Variants in NBPF9 observed in about 807,000 individuals in gnomAD.
NBPF9 encodes NBPF member 9.
In NBPF9, 91 loss-of-function variants were observed where a neutral mutation model predicts 97.8. That is an observed-to-expected ratio of 0.93 (90% CI 0.79 to 1.11). The LOEUF (loss-of-function observed/expected upper bound fraction) is 1.11. Among genes scored for constraint, NBPF9 ranks in the 50% least tolerant of loss-of-function variants. The pLI, the probability that NBPF9 is intolerant of heterozygous loss-of-function variation, is 0.00. For missense variants in NBPF9, 992 were observed against 939.5 expected (o/e 1.06, Z -0.73); for synonymous variants, 334 against 359.5 (o/e 0.93, Z 0.80).
chr1:149,070,912 A>T (rs782140725), intron 16 of NBPF9, 22 bp downstream of exon 16: 1 of 1,611,658 alleles, frequency 6.2e-7, no homozygotes, highest in Non-Finnish European at 8.5e-7. Context: ...GAGGTATGAG[A>T]CACAAGGAAA....
At chr1:149,097,918 T>G (rs1478481679) in intron 4 of NBPF9, among the ~76,000 whole-genome samples, 1 of 151,806 alleles carries the variant, frequency 6.6e-6, no homozygotes, top group Non-Finnish European at 1.5e-5. Flanking sequence ...TTTTAACCCA[T>G]TATACTGGCA....
Position 149,078,732 on chromosome 1 carries a change from C to A in NBPF9, c.493+275G>T, listed in dbSNP as rs1455608529. ...CACTCCAACAAGCGCCCTCCCATCA[C>A]AGCCTCCTTCCTGTCCTTTAAAACT... On this transcript the variant is annotated intron_variant, in intron 9 of 29. Coordinates refer to ENST00000584027, the Ensembl canonical transcript of NBPF9. Among the ~76,000 whole-genome samples, 8 of 138,588 alleles carry A rather than the reference C, an allele frequency of 5.8e-5. No individual in the cohort carries two copies. In the East Asian group the frequency reaches 1.9e-3, roughly 32 times the overall value. The allele number at this position is 138,588 out of a possible 152,430, so 90.9% of individuals were successfully genotyped here.
intron 4 of NBPF9, among the ~76,000 whole-genome samples, chr1:149,095,689 A>G (rs2081711348): frequency 6.6e-6 from 1 of 151,810 alleles, no homozygotes; most frequent in African/African-American, 2.4e-5. Context: ...GATGGCAAAT[A>G]AGCATATGAG....
exon 7 of NBPF9, chr1:149,082,120 G>C (rs782788501): frequency 1.2e-6 from 2 of 1,611,956 alleles, no homozygotes; most frequent in South Asian, 1.1e-5. Flanking sequence ...GCTGGACCAA[G>C]GGCCGGCTGA....
At chr1:149,071,017 G>T (rs782741989) in exon 16 of NBPF9, 5 of 1,612,002 alleles carry the variant, frequency 3.1e-6, no homozygotes, top group Non-Finnish European at 4.2e-6. Flanking sequence ...TTCCTCAAAT[G>T]TGATTTTGGT....
intron 11 of NBPF9, among the ~76,000 whole-genome samples, chr1:149,076,204 G>T (rs587662839): frequency 1.7e-4 from 25 of 151,276 alleles, no homozygotes; most frequent in African/African-American, 5.1e-4. Flanking sequence ...TTCTTTTTTG[G>T]TTTTTTTGTT....
intron 20 of NBPF9, 117 bp downstream of exon 20, chr1:149,063,516 T>C (rs2078780938): frequency 5.7e-6 from 4 of 701,584 alleles, no homozygotes; most frequent in Admixed American, 2.1e-5. Flanking sequence ...CATGTGCCTA[T>C]AGGTCCTCCC....
exon 30 of NBPF9, chr1:149,055,621 G>A (rs782758497): frequency 1.4e-5 from 23 of 1,611,444 alleles, no homozygotes; most frequent in East Asian, 4.5e-5. Context: ...GGTCCTGCCT[G>A]CAGGAATGAC....
exon 25 of NBPF9, chr1:149,059,806 T>A: frequency 3.8e-6 from 2 of 528,196 alleles, no homozygotes; most frequent in South Asian, 2.0e-5. Context: ...TTCTTTTCAA[T>A]TTCTGCAATA....
intron 13 of NBPF9, among the ~76,000 whole-genome samples, chr1:149,073,364 G>A (rs1222626472): frequency 7.1e-6 from 1 of 140,722 alleles, no homozygotes; most frequent in Non-Finnish European, 1.5e-5. Flanking sequence ...AAGAATGACA[G>A]GGTCGAGAAG....
At chr1:149,079,255 G>A (rs1193699474) in intron 8 of NBPF9, 34 bp from the exon 9 acceptor site, 21 of 998,654 alleles carry the variant, frequency 2.1e-5, no homozygotes, top group Non-Finnish European at 8.0e-6. Context: ...TTTAAGAGTA[G>A]AAAGGGTTGA....
intron 5 of NBPF9, among the ~76,000 whole-genome samples, chr1:149,088,321 ATTG>A (rs1476460237): frequency 6.6e-6 from 1 of 151,948 alleles, no homozygotes; most frequent in Admixed American, 6.5e-5. Context: ...GATTTCTAGC[ATTG>A]TTAACAAACA....
chr1:149,052,368 G>T (rs2077962460), downstream of NBPF9, among the ~76,000 whole-genome samples: 1 of 151,358 alleles, frequency 6.6e-6, no homozygotes, highest in African/African-American at 2.4e-5. Flanking sequence ...ATAGTTACTT[G>T]TACTTGTCAC....
chr1:149,076,572 G>A (rs1414983883), intron 11 of NBPF9, among the ~76,000 whole-genome samples: 2 of 149,040 alleles, frequency 1.3e-5, no homozygotes, highest in East Asian at 2.0e-4. Flanking sequence ...GCACAATCTC[G>A]GCTCACTGCA....
intron 4 of NBPF9, among the ~76,000 whole-genome samples, chr1:149,095,124 C>T (rs2081653895): frequency 1.3e-4 from 18 of 143,452 alleles, no homozygotes; most frequent in Non-Finnish European, 1.5e-5. Flanking sequence ...AAAACACACA[C>T]ATATAGATGC....
At chr1:149,077,587 C>G (rs78027638) in intron 10 of NBPF9, among the ~76,000 whole-genome samples, 168 bp from the exon 11 acceptor site, 4 of 152,194 alleles carry the variant, frequency 2.6e-5, no homozygotes, top group African/African-American at 9.6e-5. Flanking sequence ...CTGCAACAGA[C>G]CATGGCTGCC....
At chr1:149,079,431 C>T (rs1395202714) in intron 8 of NBPF9, among the ~76,000 whole-genome samples, 4 of 151,676 alleles carry the variant, frequency 2.6e-5, no homozygotes, top group Non-Finnish European at 4.4e-5. Context: ...GCAAGATCCT[C>T]GATGATGTTC....
intron 2 of NBPF9, among the ~76,000 whole-genome samples, chr1:149,101,844 C>T (rs2082162293): frequency 6.6e-6 from 1 of 151,592 alleles, no homozygotes; most frequent in African/African-American, 2.4e-5. Context: ...CAATGCCACT[C>T]CTACAAATAT....
chr1:149,081,452 T>C (rs1337155785), intron 7 of NBPF9, among the ~76,000 whole-genome samples: 4 of 149,922 alleles, frequency 2.7e-5, no homozygotes, highest in Non-Finnish European at 5.9e-5. Context: ...CACTTATAGG[T>C]AGCACAGGTT....
Sources: gnomAD v4.1 joint callset for allele counts (sites outside exome capture counted in the v4.1 genomes callset) on GRCh38, gnomAD v4.1.1 for gene constraint, MANE v1.5 for transcripts, NCBI Gene and HGNC (gene_info 2026-07-23, HGNC 2026-07-21) for gene names.